The following RBFOX1 variants were observed in gnomAD, a reference collection of about 807,000 sequenced individuals.
RBFOX1 encodes the protein RNA binding protein fox-1 homolog 1.
In RBFOX1, 8 loss-of-function variants were observed where a neutral mutation model predicts 57.7. The observed-to-expected ratio is 0.14, with a 90% CI of 0.08 to 0.25. The LOEUF is 0.25. Ranked by LOEUF, RBFOX1 falls within the 10% of genes least tolerant of loss-of-function variation. The pLI, the probability that RBFOX1 is intolerant of heterozygous loss-of-function variation, is 1.00. For missense variants in RBFOX1, 611 were observed against 548.5 expected, an observed-to-expected ratio of 1.11 and a Z score of -1.14; for synonymous variants, 326 against 222.4, an observed-to-expected ratio of 1.47 and a Z score of -4.15.
intron 4 of RBFOX1, among the ~76,000 whole-genome samples, chr16:7,447,923 G>T (rs1214364639): frequency 1.3e-5 from 2 of 152,212 alleles, no homozygotes; most frequent in Non-Finnish European, 1.5e-5. Flanking sequence ...AGGCATCTGC[G>T]TTAAATATGT....
chr16:6,431,448 C>G (rs1380964934), intron 2 of RBFOX1, among the ~76,000 whole-genome samples: 4 of 151,916 alleles, frequency 2.6e-5, no homozygotes, highest in African/African-American at 9.7e-5. Context: ...CTACCTAAGC[C>G]CAGGAAGCGT....
In RBFOX1 at chr16:6,019,861, C is replaced by G. The variant is rs1161116199; in HGVS notation, c.-258C>G. 3 of 1,533,690 alleles carry G rather than the reference C, an allele frequency of 2.0e-6. No homozygotes were observed. The African/African-American group carries it at 4.1e-5, about 21-fold the overall frequency. On this transcript the variant is annotated 5_prime_UTR_variant, in exon 1 of 16. Coordinates refer to ENST00000550418, the MANE Select transcript of RBFOX1 (RefSeq NM_018723.4). The surrounding 1 kb of genome is among the most constrained non-coding windows in gnomAD (Gnocchi z 4.2). ...CCTGCCCGCGAAGTTGCGGACAGTGCGTGAGAAACCAGCACCCCCTTCCGC... is the reference window on the plus strand; with the variant it reads ...CCTGCCCGCGAAGTTGCGGACAGTGGGTGAGAAACCAGCACCCCCTTCCGC...
At chr16:5,397,325 A>T (rs2151431383) in intron 1 of RBFOX1, among the ~76,000 whole-genome samples, 1 of 152,310 alleles carries the variant, frequency 6.6e-6, no homozygotes, top group East Asian at 1.9e-4. Context: ...CTGGGTCCTG[A>T]AAAGCTCTGG....
At chr16:7,159,621 C>T (rs776063531) in intron 4 of RBFOX1, among the ~76,000 whole-genome samples, 3 of 152,132 alleles carry the variant, frequency 2.0e-5, no homozygotes, top group Admixed American at 6.5e-5. Flanking sequence ...AGTCATCTCC[C>T]GCTTATCGTG....
At chr16:7,184,612 T>A (rs910186357) in intron 4 of RBFOX1, among the ~76,000 whole-genome samples, 5 of 152,206 alleles carry the variant, frequency 3.3e-5, no homozygotes, top group African/African-American at 1.2e-4. Flanking sequence ...TATGGCAAGT[T>A]GGAATTCTAG....
intron 4 of RBFOX1, among the ~76,000 whole-genome samples, chr16:5,922,723 C>G (rs2058851531): frequency 6.6e-6 from 1 of 152,200 alleles, no homozygotes; most frequent in East Asian, 1.9e-4. Context: ...ATAAACTCTT[C>G]CAACCCCTCA....
intron 2 of RBFOX1, among the ~76,000 whole-genome samples, chr16:6,410,502 G>T (rs1027516593): frequency 2.0e-5 from 3 of 151,700 alleles, no homozygotes; most frequent in Non-Finnish European, 2.9e-5. Context: ...TAGTAGAGAC[G>T]GGGTTTCACC....
At chr16:6,485,473 C>T (rs1054612710) in intron 2 of RBFOX1, among the ~76,000 whole-genome samples, 1 of 152,070 alleles carries the variant, frequency 6.6e-6, no homozygotes, top group Admixed American at 6.6e-5. Context: ...TGCACAGAAA[C>T]CTTTTAGGTA....
chr16:6,854,034 C>A (rs997503307), intron 3 of RBFOX1, among the ~76,000 whole-genome samples: 2 of 152,186 alleles, frequency 1.3e-5, no homozygotes, highest in Admixed American at 6.5e-5. Flanking sequence ...AAGGACAGAC[C>A]TCAGGCAGTT....
chr16:5,868,693 G>T (rs1180733738), intron 4 of RBFOX1, among the ~76,000 whole-genome samples: 1 of 152,208 alleles, frequency 6.6e-6, no homozygotes, highest in African/African-American at 2.4e-5. Flanking sequence ...GAAGCACAAG[G>T]ATAGGGCAGA....
chr16:7,458,059 C>T lies in RBFOX1; in HGVS notation c.28-60088C>T, dbSNP rs2058869616. On this transcript the variant is annotated intron_variant, in intron 4 of 15. Coordinates refer to ENST00000550418, the MANE Select transcript of RBFOX1 (RefSeq NM_018723.4). ...AGCTTGGACATCTCCTCTTTAAGGACATACTTCCTGATTCACCTTCCAAAT... is the reference window on the plus strand; with the variant it reads ...AGCTTGGACATCTCCTCTTTAAGGATATACTTCCTGATTCACCTTCCAAAT... 2.0e-5 allele frequency among the ~76,000 whole-genome samples: 3 copies of T among 152,128 alleles called. No homozygotes were observed. The South Asian group carries it at 6.2e-4, about 32-fold the overall frequency.
At chr16:6,685,273 C>CTTTTTTTTT (rs202226687) in intron 3 of RBFOX1, among the ~76,000 whole-genome samples, 5 of 111,576 alleles carry the variant, frequency 4.5e-5, no homozygotes, top group Non-Finnish European at 5.1e-5. Flanking sequence ...GAGAGTTTTT[C>CTTTTTTTTT]TTTTTTTTTT....
chr16:6,880,832 G>A (rs531112704), intron 3 of RBFOX1, among the ~76,000 whole-genome samples: 2 of 152,194 alleles, frequency 1.3e-5, no homozygotes, highest in Admixed American at 6.5e-5. Context: ...ATATAAATGT[G>A]TTGGAATTGC....
chr16:7,313,188 T>A (rs17562208), intron 4 of RBFOX1, among the ~76,000 whole-genome samples: 119,641 of 152,062 alleles, frequency 0.79, 47,183 homozygotes, highest in East Asian at 0.94. Flanking sequence ...CTATCTATTG[T>A]CTCTGCTTAA....
At chr16:6,780,427 T>TATATTTATATATAC (rs1603622588) in intron 3 of RBFOX1, among the ~76,000 whole-genome samples, 1 of 108,232 alleles carries the variant, frequency 9.2e-6, no homozygotes, top group East Asian at 3.0e-4. Flanking sequence ...TATTTATATA[T>TATATTTATATATAC]ATTTATAGAT....
chr16:5,753,766 A>G (rs760390768), intron 3 of RBFOX1, among the ~76,000 whole-genome samples: 2 of 152,154 alleles, frequency 1.3e-5, no homozygotes. Flanking sequence ...TCCCTTGTAT[A>G]GGAGCCTCCC....
intron 4 of RBFOX1, among the ~76,000 whole-genome samples, chr16:7,134,125 A>G (rs78369734): frequency 0.013 from 1,916 of 152,316 alleles, 21 homozygotes; most frequent in Non-Finnish European, 0.021. Context: ...TGCAAATACA[A>G]TAGCGATCAT....
At chr16:5,852,442 C>T (rs1359482211) in intron 3 of RBFOX1, among the ~76,000 whole-genome samples, 1 of 152,190 alleles carries the variant, frequency 6.6e-6, no homozygotes, top group African/African-American at 2.4e-5. Flanking sequence ...TGGATAGCTC[C>T]AGGGAGCTTG....
At chr16:7,706,551 G>A (rs1253304036) in intron 14 of RBFOX1, among the ~76,000 whole-genome samples, 1 of 152,100 alleles carries the variant, frequency 6.6e-6, no homozygotes, top group South Asian at 2.1e-4. Context: ...GGAAATTATT[G>A]CCACAGTAAA....
Sources: allele counts gnomAD v4.1 joint callset (sites outside exome capture counted in the v4.1 genomes callset), GRCh38; gene constraint gnomAD v4.1.1; non-coding constraint Gnocchi (gnomAD v3.1); transcripts MANE v1.5; gene names NCBI Gene and HGNC (gene_info 2026-07-23, HGNC 2026-07-21).